Variants in SLC2A13 observed in about 807,000 individuals in gnomAD.
SLC2A13 encodes solute carrier family 2 member 13.
In SLC2A13, 32 loss-of-function variants were observed where a neutral mutation model predicts 64.4. The ratio of observed to expected loss-of-function variants is 0.50; its 90% confidence interval spans 0.37 to 0.67. The LOEUF (loss-of-function observed/expected upper bound fraction) is 0.67, where lower values mean the gene tolerates loss of function less well. SLC2A13 is among the 30% of genes least tolerant of loss of function. SLC2A13 has a pLI of 0.00. For missense variants in SLC2A13, 743 were observed against 829.2 expected, an observed-to-expected ratio of 0.90 and a Z score of 1.28; for synonymous variants, 338 against 327.1, an observed-to-expected ratio of 1.03 and a Z score of -0.36.
At chr12:39,954,294 C>G (rs967097795) in intron 3 of SLC2A13, among the ~76,000 whole-genome samples, 1 of 152,102 alleles carries the variant, frequency 6.6e-6, no homozygotes, top group Non-Finnish European at 1.5e-5. Flanking sequence ...GCTCAGAATA[C>G]AGAGATGCCA....
At chr12:39,978,346 C>A (rs1946803744) in intron 3 of SLC2A13, among the ~76,000 whole-genome samples, 1 of 152,216 alleles carries the variant, frequency 6.6e-6, no homozygotes, top group Non-Finnish European at 1.5e-5. Flanking sequence ...GGAACAGCTC[C>A]AGTCTACAGC....
intron 1 of SLC2A13, among the ~76,000 whole-genome samples, chr12:40,084,371 G>C (rs1938522467): frequency 6.6e-6 from 1 of 152,164 alleles, no homozygotes; most frequent in African/African-American, 2.4e-5. Flanking sequence ...ACTTTTTAAT[G>C]CAACAGTTTT....
At chr12:40,092,803 A>G (rs10878089) in intron 1 of SLC2A13, among the ~76,000 whole-genome samples, 55,787 of 152,034 alleles carry the variant, frequency 0.37, 10,428 homozygotes, top group Non-Finnish European at 0.41. Flanking sequence ...AAGGTCAGAG[A>G]AAACTGATCA....
At chr12:40,019,725 T>TA (rs924272559) in intron 3 of SLC2A13, among the ~76,000 whole-genome samples, 2 of 152,174 alleles carry the variant, frequency 1.3e-5, no homozygotes, top group Non-Finnish European at 2.9e-5. Context: ...TCAGTTTTCT[T>TA]AAAAAATTAT....
At chr12:40,098,635 G>A (rs17458459) in intron 1 of SLC2A13, among the ~76,000 whole-genome samples, 311 of 152,310 alleles carry the variant, frequency 2.0e-3, no homozygotes, top group Non-Finnish European at 2.5e-3. Context: ...AGCACAGGCT[G>A]GGAAGCCAGA....
intron 4 of SLC2A13, among the ~76,000 whole-genome samples, chr12:39,873,472 T>G (rs1944108325): frequency 6.6e-6 from 1 of 152,132 alleles, no homozygotes; most frequent in African/African-American, 2.4e-5. Flanking sequence ...GAAATTAACA[T>G]AAATACCAAA....
At chr12:39,824,859 A>G (rs761220525) in intron 7 of SLC2A13, among the ~76,000 whole-genome samples, 15 of 152,196 alleles carry the variant, frequency 9.9e-5, no homozygotes, top group Non-Finnish European at 2.1e-4. Flanking sequence ...AAAATAAAAT[A>G]GACTTCAGGC....
intron 2 of SLC2A13, among the ~76,000 whole-genome samples, chr12:40,041,819 C>T (rs1332919813): frequency 2.6e-5 from 4 of 152,238 alleles, no homozygotes; most frequent in Non-Finnish European, 5.9e-5. Context: ...TCTTTGACTC[C>T]TGTCATGGCA....
chr12:39,936,775 G>A (rs896318051), intron 4 of SLC2A13, among the ~76,000 whole-genome samples: 1 of 152,146 alleles, frequency 6.6e-6, no homozygotes, highest in Admixed American at 6.5e-5. Context: ...GGATTATAAG[G>A]GGAGGGGCAG....
At chr12:39,997,585 C>T (rs572740487) in intron 3 of SLC2A13, among the ~76,000 whole-genome samples, 7 of 152,274 alleles carry the variant, frequency 4.6e-5, no homozygotes, top group South Asian at 4.1e-4. Context: ...AATCTCAGCA[C>T]TTTGGGAGGC....
intron 4 of SLC2A13, among the ~76,000 whole-genome samples, chr12:39,888,163 C>T (rs1944515565): frequency 6.6e-6 from 1 of 152,186 alleles, no homozygotes; most frequent in Non-Finnish European, 1.5e-5. Context: ...CATTCTGCTG[C>T]CTGCCCAGTT....
intron 7 of SLC2A13, among the ~76,000 whole-genome samples, chr12:39,767,220 C>A (rs1287372193): frequency 6.6e-6 from 1 of 151,946 alleles, no homozygotes; most frequent in South Asian, 2.1e-4. Context: ...GGTATGAAAA[C>A]AACATTCATC....
intron 4 of SLC2A13, among the ~76,000 whole-genome samples, chr12:39,887,235 G>A (rs1025364974): frequency 1.3e-5 from 2 of 152,170 alleles, no homozygotes. Flanking sequence ...GTTGTCACTA[G>A]TAGTGAAATT....
chr12:39,893,434 G>T (rs564046361), intron 4 of SLC2A13, among the ~76,000 whole-genome samples: 77 of 152,232 alleles, frequency 5.1e-4, no homozygotes, highest in African/African-American at 1.7e-3. Flanking sequence ...CGACTGGCTG[G>T]GACTACAGGT....
chr12:39,979,024 C>T (rs967457607), intron 3 of SLC2A13, among the ~76,000 whole-genome samples: 11 of 151,194 alleles, frequency 7.3e-5, no homozygotes, highest in East Asian at 2.0e-4. Context: ...CCCTGACCCC[C>T]GAGCAGCCTA....
At chr12:39,957,649 G>T (rs558661021) in intron 3 of SLC2A13, among the ~76,000 whole-genome samples, 83 of 152,250 alleles carry the variant, frequency 5.5e-4, no homozygotes, top group African/African-American at 1.9e-3. Flanking sequence ...CTCATTTTGG[G>T]ACAAATTCAG....
intron 3 of SLC2A13, among the ~76,000 whole-genome samples, chr12:40,016,646 AG>A (rs1299417857): frequency 2.6e-5 from 4 of 152,200 alleles, no homozygotes; most frequent in East Asian, 3.8e-4. Flanking sequence ...ACCTATAATA[AG>A]GGCCTAGTCT....
At chr12:39,996,960 C>G (rs1455390196) in intron 3 of SLC2A13, among the ~76,000 whole-genome samples, 1 of 152,144 alleles carries the variant, frequency 6.6e-6, no homozygotes, top group Non-Finnish European at 1.5e-5. Context: ...ACCATACTGC[C>G]AAAAGCAATT....
At chr12:40,095,460 A>C (rs1938907841) in intron 1 of SLC2A13, among the ~76,000 whole-genome samples, 1 of 152,216 alleles carries the variant, frequency 6.6e-6, no homozygotes, top group Non-Finnish European at 1.5e-5. Flanking sequence ...GGTCCATACA[A>C]GTAGGTTCTA....
Sources: allele counts gnomAD v4.1 joint callset (sites outside exome capture counted in the v4.1 genomes callset), GRCh38; gene constraint gnomAD v4.1.1; transcripts MANE v1.5; gene names NCBI Gene and HGNC (gene_info 2026-07-23, HGNC 2026-07-21).